CHRM2: variants seen among roughly 807,000 people sequenced by gnomAD.
CHRM2 encodes the protein muscarinic acetylcholine receptor M2.
A neutral mutation model predicts 25.0 loss-of-function variants in CHRM2; 8 were observed. The ratio of observed to expected loss-of-function variants is 0.32; its 90% confidence interval spans 0.19 to 0.58. The LOEUF (loss-of-function observed/expected upper bound fraction) is 0.58, where lower values mean the gene tolerates loss of function less well. Among genes scored for constraint, CHRM2 ranks in the 20% least tolerant of loss-of-function variants. The pLI is 0.88. For synonymous variants in CHRM2, 202 were observed against 205.7 expected, an observed-to-expected ratio of 0.98 and a Z score of 0.15; for missense variants, 440 against 567.1, an observed-to-expected ratio of 0.78 and a Z score of 2.28.
At chr7:136,894,852 G>T (rs949334647) in intron 2 of CHRM2, among the ~76,000 whole-genome samples, 11 of 152,126 alleles carry the variant, frequency 7.2e-5, no homozygotes, top group Admixed American at 3.3e-4. Flanking sequence ...TCTTCAGCAG[G>T]TCCTGATTGC....
At chr7:136,926,985 G>T (rs1798784452) in intron 2 of CHRM2, among the ~76,000 whole-genome samples, 1 of 152,074 alleles carries the variant, frequency 6.6e-6, no homozygotes, top group Non-Finnish European at 1.5e-5. Flanking sequence ...TTTTCTATTT[G>T]CCTTAAAGTC....
At chr7:136,887,085 G>T (rs62485227) in intron 2 of CHRM2, among the ~76,000 whole-genome samples, 5,547 of 152,200 alleles carry the variant, frequency 0.036, 144 homozygotes, top group Non-Finnish European at 0.053. Context: ...ACAGTGTATT[G>T]TATTCAGGCT....
At chr7:136,938,629 G>A in intron 2 of CHRM2, 1 of 854,038 alleles carries the variant, frequency 1.2e-6, no homozygotes, top group Non-Finnish European at 2.0e-6. Context: ...AGAAGCTCGA[G>A]GAGCTCATGC....
intron 3 of CHRM2, among the ~76,000 whole-genome samples, chr7:137,000,741 T>C (rs938385246): frequency 6.6e-6 from 1 of 151,998 alleles, no homozygotes. Flanking sequence ...TTTTTTTTTT[T>C]AATCCATCCC....
chr7:136,906,109 ATGTG>A, intron 2 of CHRM2, among the ~76,000 whole-genome samples: 1 of 150,616 alleles, frequency 6.6e-6, no homozygotes, highest in Admixed American at 6.6e-5. Flanking sequence ...GTATGTATAT[ATGTG>A]TGTGTATATA....
intron 2 of CHRM2, among the ~76,000 whole-genome samples, chr7:136,872,264 C>T (rs1015863749): frequency 6.6e-6 from 1 of 152,176 alleles, no homozygotes; most frequent in African/African-American, 2.4e-5. Flanking sequence ...GATTTGAATA[C>T]TGTCATAGTT....
intron 3 of CHRM2, among the ~76,000 whole-genome samples, chr7:136,999,581 T>C (rs947431165): frequency 2.7e-5 from 4 of 150,800 alleles, no homozygotes; most frequent in African/African-American, 7.3e-5. Context: ...CGGTGTATGA[T>C]GTTCCCCTTC....
chr7:136,989,193 T>G (rs909139192), intron 2 of CHRM2, among the ~76,000 whole-genome samples: 1 of 151,378 alleles, frequency 6.6e-6, no homozygotes, highest in Admixed American at 6.6e-5. Context: ...TTTCTATATG[T>G]TTGGGAAAAA....
chr7:136,963,364 A>G (rs1016063394), intron 2 of CHRM2, among the ~76,000 whole-genome samples: 1 of 152,224 alleles, frequency 6.6e-6, no homozygotes, highest in South Asian at 2.1e-4. Flanking sequence ...TAAAGAAGAC[A>G]TGATCTCTGC....
chr7:137,011,201 G>GTGTGTGTGTA (rs1440723222), intron 3 of CHRM2, among the ~76,000 whole-genome samples: 8 of 127,410 alleles, frequency 6.3e-5, no homozygotes, highest in African/African-American at 3.3e-4. Context: ...GTACGTGTGT[G>GTGTGTGTGTA]TGTGTGTGTG....
At chr7:136,878,244 A>G (rs1331768008) in intron 2 of CHRM2, among the ~76,000 whole-genome samples, 1 of 152,008 alleles carries the variant, frequency 6.6e-6, no homozygotes, top group Non-Finnish European at 1.5e-5. Context: ...CATGTTTCCC[A>G]GATATGCCCA....
At chr7:136,928,580 AGCAGTGT>A (rs1403344278) in intron 2 of CHRM2, among the ~76,000 whole-genome samples, 1 of 152,208 alleles carries the variant, frequency 6.6e-6, no homozygotes, top group Non-Finnish European at 1.5e-5. Context: ...TGATTGAGTT[AGCAGTGT>A]GACTATTCCA....
intron 2 of CHRM2, among the ~76,000 whole-genome samples, chr7:136,974,534 A>G (rs1801990825): frequency 1.3e-5 from 2 of 152,144 alleles, no homozygotes; most frequent in South Asian, 4.1e-4. Flanking sequence ...AGGCTTTCCA[A>G]GTAGAAGAAA....
intron 2 of CHRM2, among the ~76,000 whole-genome samples, chr7:136,920,274 C>T (rs916269593): frequency 6.6e-6 from 1 of 152,068 alleles, no homozygotes; most frequent in African/African-American, 2.4e-5. Context: ...CATTTTGCAC[C>T]TCAGCTCCTT....
At chr7:136,881,043 A>G (rs1204780574) in intron 2 of CHRM2, among the ~76,000 whole-genome samples, 1 of 150,928 alleles carries the variant, frequency 6.6e-6, no homozygotes. Flanking sequence ...GGACAAGTGT[A>G]TAATGGTATG....
At chr7:136,907,114 C>T (rs1797597917) in intron 2 of CHRM2, 1 of 151,936 alleles carries the variant, frequency 6.6e-6, no homozygotes, top group Admixed American at 6.6e-5. Flanking sequence ...GGAGGTGAAG[C>T]TCAGGCAGTA....
At chr7:136,882,173 G>A (rs1181530775) in intron 2 of CHRM2, among the ~76,000 whole-genome samples, 13 of 151,886 alleles carry the variant, frequency 8.6e-5, no homozygotes, top group Admixed American at 5.9e-4. Flanking sequence ...TTTAGACACC[G>A]GCTTTACACA....
intron 2 of CHRM2, among the ~76,000 whole-genome samples, chr7:136,924,940 C>A (rs529522284): frequency 6.8e-4 from 103 of 152,292 alleles, no homozygotes; most frequent in African/African-American, 2.2e-3. Context: ...ACACTCACAT[C>A]TACTCTGCCA....
chr7:136,932,756 A>G (rs536625430), intron 2 of CHRM2, among the ~76,000 whole-genome samples: 17 of 152,318 alleles, frequency 1.1e-4, no homozygotes, highest in South Asian at 6.2e-4. Flanking sequence ...TAGGCTGGGT[A>G]TGGTGACTCA....
Sources: gnomAD v4.1 joint callset for allele counts (sites outside exome capture counted in the v4.1 genomes callset) on GRCh38, gnomAD v4.1.1 for gene constraint, MANE v1.5 for transcripts, NCBI Gene and HGNC (gene_info 2026-07-23, HGNC 2026-07-21) for gene names.